The following PIK3CA variants were observed in gnomAD, a reference collection of about 807,000 sequenced individuals.
PIK3CA encodes the protein phosphatidylinositol 4,5-bisphosphate 3-kinase catalytic subunit alpha isoform.
Under a neutral mutation model 138.2 loss-of-function variants are expected in PIK3CA, and 27 were observed. That is an observed-to-expected ratio of 0.20 (90% CI 0.14 to 0.27). The LOEUF is 0.27. Among genes scored for constraint, PIK3CA ranks in the 10% least tolerant of loss-of-function variants. PIK3CA has a pLI of 1.00. For missense variants in PIK3CA, 544 were observed against 1,277.4 expected (o/e 0.43, Z 8.75); for synonymous variants, 358 against 413.2 (o/e 0.87, Z 1.62).
chr3:179,153,659 A>T (rs1032977362), intron 1 of PIK3CA, among the ~76,000 whole-genome samples: 1 of 152,194 alleles, frequency 6.6e-6, no homozygotes, highest in Non-Finnish European at 1.5e-5. Flanking sequence ...AGTGTTTTGG[A>T]TAAGGGATAC....
At chr3:179,217,201 T>A (rs1724855981) in intron 9 of PIK3CA, among the ~76,000 whole-genome samples, 1 of 152,158 alleles carries the variant, frequency 6.6e-6, no homozygotes, top group African/African-American at 2.4e-5. Flanking sequence ...TTAGTGTGGA[T>A]AAAGGTTCCT....
At chr3:179,211,788 A>G (rs1325299790) in intron 9 of PIK3CA, among the ~76,000 whole-genome samples, 1 of 152,182 alleles carries the variant, frequency 6.6e-6, no homozygotes, top group Non-Finnish European at 1.5e-5. Flanking sequence ...GATATTTTTC[A>G]TCATGTTTAG....
At chr3:179,178,283 CAG>C (rs1024619131) in intron 1 of PIK3CA, among the ~76,000 whole-genome samples, 1 of 144,896 alleles carries the variant, frequency 6.9e-6, no homozygotes, top group Non-Finnish European at 1.5e-5. Context: ...AAAAAAAACT[CAG>C]AAATTAACAT....
rs1386730349 is a variant in PIK3CA at position 179,239,647 on chromosome 3, A to AT, written c.*5287dup. On this transcript the variant is annotated 3_prime_UTR_variant, in exon 21 of 21. Transcript: ENST00000263967. Reference sequence around the variant, plus strand: ...AGAATATACCCTTTTGGAGCATAACATTTTAATACCTTGGGGAATGTGGCA... The same window carrying AT: ...AGAATATACCCTTTTGGAGCATAACATTTTTAATACCTTGGGGAATGTGGCA... The AT allele has an allele frequency of 3.8e-6, 1 of 260,476 alleles. No homozygotes were observed. The highest frequency in any genetic ancestry group is 7.3e-6 in the Non-Finnish European group (1 of 137,294). The allele number at this position is 260,476 out of a possible 1,614,324, so 16.1% of individuals were successfully genotyped here.
intron 1 of PIK3CA, among the ~76,000 whole-genome samples, chr3:179,169,641 T>A (rs570002283): frequency 4.6e-5 from 7 of 152,362 alleles, no homozygotes; most frequent in African/African-American, 1.7e-4. Context: ...TAAGTTTGTT[T>A]CTGAACTCAG....
chr3:179,186,182 A>C (rs1560132632), intron 1 of PIK3CA, among the ~76,000 whole-genome samples: 1 of 152,246 alleles, frequency 6.6e-6, no homozygotes, highest in Non-Finnish European at 1.5e-5. Context: ...GCTGTGTGCC[A>C]GGAGAGAGGA....
chr3:179,223,360 C>G (rs1010732262), intron 14 of PIK3CA, among the ~76,000 whole-genome samples: 1 of 152,122 alleles, frequency 6.6e-6, no homozygotes, highest in Non-Finnish European at 1.5e-5. Context: ...CCAGCTATTG[C>G]GTGATAACTC....
Position 179,239,052 on chromosome 3 carries a change from T to C in PIK3CA, c.*4688T>C, listed in dbSNP as rs1725387311. The C allele has an allele frequency of 4.6e-6, 1 of 217,652 alleles. No homozygotes were observed. Among genetic ancestry groups the C allele is most frequent in the Non-Finnish European group, 9.2e-6 (1 of 108,428 alleles). 13.5% of individuals were successfully genotyped at this position (217,652 alleles called of 1,614,324 possible). A position where few individuals can be genotyped will look rare whatever the true frequency, so the allele number is the denominator to read the frequency against. On this transcript the variant is annotated 3_prime_UTR_variant, in exon 21 of 21. Transcript: ENST00000263967. ...TGACAGGTGTGAGCCATGAGGAAATTTTCTGACTTAATTTGTACACAACTA... is the reference window on the plus strand; with the variant it reads ...TGACAGGTGTGAGCCATGAGGAAATCTTCTGACTTAATTTGTACACAACTA...
intron 4 of PIK3CA, among the ~76,000 whole-genome samples, chr3:179,202,668 TA>T (rs1724446204): frequency 6.6e-6 from 1 of 152,236 alleles, no homozygotes; most frequent in Non-Finnish European, 1.5e-5. Flanking sequence ...AATCTCGTCT[TA>T]ACTACCATTT....
chr3:179,154,376 G>A (rs1228504128), intron 1 of PIK3CA, among the ~76,000 whole-genome samples: 6 of 151,980 alleles, frequency 3.9e-5, no homozygotes, highest in African/African-American at 1.5e-4. Context: ...ATTGTGAACT[G>A]CACATGCAAG....
rs2108399080 is a variant in PIK3CA, at chr3:179,209,580, TA to T, written c.1146-11del. ...TTTTCTTGATGTATTATTTTTGCTT[TA>T]AAATTTTACATAGGTGGAATGAATG... On this transcript the variant is annotated splice_polypyrimidine_tract_variant and intron_variant, in intron 6 of 20. Transcript: ENST00000263967. 6.5e-7 allele frequency: 1 copy of T among 1,537,564 alleles called. No homozygotes were observed. Among genetic ancestry groups the T allele is most frequent in the Non-Finnish European group, 8.9e-7 (1 of 1,119,030 alleles).
chr3:179,188,428 C>G (rs1053992464), intron 1 of PIK3CA, among the ~76,000 whole-genome samples: 18 of 152,176 alleles, frequency 1.2e-4, no homozygotes, highest in Non-Finnish European at 4.4e-5. Context: ...AAGTATTGTA[C>G]TACTGGAAAA....
Position 179,203,448 on chromosome 3 carries a change from C to A in PIK3CA, c.814-96C>A, listed in dbSNP as rs1262460757. On this transcript the variant is annotated intron_variant, in intron 4 of 20. Coordinates refer to ENST00000263967, the MANE Select transcript of PIK3CA (RefSeq NM_006218.4). ...GTCTATAATGTTTAATTTTTTATCA[C>A]CTTTGCAGATTAATATGTAGTCATA... is the stretch of plus-strand genomic sequence containing the variant. The A allele has an allele frequency of 2.6e-6, 3 of 1,166,198 alleles. No individual in the cohort carries two copies. The East Asian group carries it at 7.2e-5, about 28-fold the overall frequency. The allele number at this position is 1,166,198 out of a possible 1,614,324, so 72.2% of individuals were successfully genotyped here. A position where few individuals can be genotyped will look rare whatever the true frequency, so the allele number is the denominator to read the frequency against.
chr3:179,170,438 C>T (rs1235073319), intron 1 of PIK3CA, among the ~76,000 whole-genome samples: 1 of 152,134 alleles, frequency 6.6e-6, no homozygotes, highest in Non-Finnish European at 1.5e-5. Flanking sequence ...TTCATATATG[C>T]TTTTTAACAC....
Position 179,219,310 on chromosome 3 carries a change from T to C in PIK3CA, c.1746+33T>C, listed in dbSNP as rs749505712. 1.1e-5 allele frequency: 14 copies of C among 1,230,686 alleles called. No homozygotes were observed. The Admixed American group carries it at 2.2e-4, about 20-fold the overall frequency. The allele number at this position is 1,230,686 out of a possible 1,614,324, so 76.2% of individuals were successfully genotyped here. On this transcript the variant is annotated intron_variant, in intron 11 of 20. Coordinates refer to ENST00000263967, the MANE Select transcript of PIK3CA (RefSeq NM_006218.4). The surrounding 1 kb of genome is among the most constrained non-coding windows in gnomAD (Gnocchi z 4.2). ...TATGTTTGAGATTACTAGATAACTG[T>C]TGTACAAATTGGTATGTCACTTAAA...
intron 4 of PIK3CA, among the ~76,000 whole-genome samples, chr3:179,203,287 A>G (rs1039470793): frequency 6.6e-6 from 1 of 152,118 alleles, no homozygotes; most frequent in Non-Finnish European, 1.5e-5. Flanking sequence ...TAAGGGTAGA[A>G]CTACAGTTTC....
At chr3:179,170,076 G>GCA (rs60084117) in intron 1 of PIK3CA, among the ~76,000 whole-genome samples, 8,864 of 139,092 alleles carry the variant, frequency 0.064, 318 homozygotes, top group Non-Finnish European at 0.084. Flanking sequence ...ACGCGCGCGC[G>GCA]CACACACACA....
chr3:179,173,554 G>C lies in PIK3CA; in HGVS notation c.-77+24951G>C, dbSNP rs576922927. Among the ~76,000 whole-genome samples, 4 of 151,604 alleles carry C rather than the reference G, an allele frequency of 2.6e-5. No individual in the cohort carries two copies. In the East Asian group the frequency reaches 7.8e-4, roughly 30 times the overall value. On this transcript the variant is annotated intron_variant, in intron 1 of 20. Transcript: ENST00000263967. ...ATATCGTGCCACTGCACTCCAGCCT[G>C]GGTGACAGAGGGAGACTCCATCTCA...
chr3:179,170,053 CAT>C (rs1200058481), intron 1 of PIK3CA, among the ~76,000 whole-genome samples: 20 of 132,342 alleles, frequency 1.5e-4, no homozygotes, highest in African/African-American at 5.7e-4. Context: ...CAGACATGCA[CAT>C]GCGCGTGCAC....
Sources: allele counts gnomAD v4.1 joint callset (sites outside exome capture counted in the v4.1 genomes callset), GRCh38; gene constraint gnomAD v4.1.1; non-coding constraint Gnocchi (gnomAD v3.1); transcripts MANE v1.5; gene names NCBI Gene and HGNC (gene_info 2026-07-23, HGNC 2026-07-21).